Variants in SLIT3 observed in about 807,000 individuals in gnomAD.
The protein encoded by SLIT3 is slit homolog 3 protein.
SLIT3 carries 68 observed loss-of-function variants against 184.0 expected under a neutral mutation model. That is an observed-to-expected ratio of 0.37 (90% CI 0.30 to 0.45). The LOEUF (loss-of-function observed/expected upper bound fraction) is 0.45, where lower values mean the gene tolerates loss of function less well. Among genes scored for constraint, SLIT3 ranks in the 20% least tolerant of loss-of-function variants. SLIT3 has a pLI of 1.00. For synonymous variants in SLIT3, 831 were observed against 828.6 expected (o/e 1.00, Z -0.05); for missense variants, 1,707 against 2,026.0 (o/e 0.84, Z 3.02).
chr5:168,967,384 C>A (rs1023623498), intron 4 of SLIT3, among the ~76,000 whole-genome samples: 1 of 149,738 alleles, frequency 6.7e-6, no homozygotes, highest in Non-Finnish European at 1.5e-5. Context: ...ATAACACTTG[C>A]GTCATAATTT....
At chr5:168,952,031 A>C (rs1337961255) in intron 4 of SLIT3, among the ~76,000 whole-genome samples, 1 of 152,158 alleles carries the variant, frequency 6.6e-6, no homozygotes, top group Non-Finnish European at 1.5e-5. Flanking sequence ...CCTGTCTTGA[A>C]TCTTCTAGAG....
At chr5:169,087,186 G>C (rs1226492421) in intron 4 of SLIT3, among the ~76,000 whole-genome samples, 1 of 152,218 alleles carries the variant, frequency 6.6e-6, no homozygotes, top group Non-Finnish European at 1.5e-5. Context: ...CGGATATTCT[G>C]CAAAGCACTA....
intron 4 of SLIT3, among the ~76,000 whole-genome samples, chr5:169,103,795 C>T (rs949085828): frequency 6.6e-6 from 1 of 152,110 alleles, no homozygotes. Context: ...GGCTGGGGCT[C>T]GCCACCCTGC....
chr5:168,853,015 T>C (rs1446221380), intron 5 of SLIT3, among the ~76,000 whole-genome samples: 1 of 152,208 alleles, frequency 6.6e-6, no homozygotes, highest in Admixed American at 6.5e-5. Flanking sequence ...CTGAAATTGG[T>C]TTCTTATGAA....
At chr5:169,215,558 A>G (rs1229930121) in intron 3 of SLIT3, among the ~76,000 whole-genome samples, 1 of 152,216 alleles carries the variant, frequency 6.6e-6, no homozygotes, top group Non-Finnish European at 1.5e-5. Context: ...AAAAGCAACC[A>G]TAAACAATAC....
intron 4 of SLIT3, among the ~76,000 whole-genome samples, chr5:169,085,803 A>G (rs1464382369): frequency 6.6e-6 from 1 of 152,190 alleles, no homozygotes; most frequent in Non-Finnish European, 1.5e-5. Context: ...TCCTTCTGTG[A>G]TATTCACAGC....
chr5:168,885,957 G>T (rs1760190163), intron 4 of SLIT3, among the ~76,000 whole-genome samples: 1 of 152,174 alleles, frequency 6.6e-6, no homozygotes, highest in Non-Finnish European at 1.5e-5. Flanking sequence ...GCAAAATCCT[G>T]CACTTGGGTG....
chr5:169,149,340 CTT>C (rs3038064), intron 4 of SLIT3, among the ~76,000 whole-genome samples: 4 of 137,880 alleles, frequency 2.9e-5, no homozygotes, highest in Non-Finnish European at 3.2e-5. Context: ...ACAACATGGG[CTT>C]TTTTTTTTTT....
At position 168,685,663 on chromosome 5, in the gene SLIT3, AG is replaced by A. The variant is rs753217550; in HGVS notation, c.3555+23del. On this transcript the variant is annotated intron_variant, in intron 31 of 35. Coordinates refer to ENST00000519560, the MANE Select transcript of SLIT3 (RefSeq NM_003062.4). ...TTGTGGGCATGTTGAGGTCCTTCCAAGGGCAGGGCAGGGCGGGACACACCTG... is the reference window on the plus strand; with the variant it reads ...TTGTGGGCATGTTGAGGTCCTTCCAAGGCAGGGCAGGGCGGGACACACCTG... 61 of 1,513,382 alleles carry A rather than the reference AG, an allele frequency of 4.0e-5. No homozygotes were observed. In the African/African-American group the frequency reaches 8.3e-4, roughly 21 times the overall value. 93.7% of individuals were successfully genotyped at this position (1,513,382 alleles called of 1,614,324 possible).
At chr5:168,827,099 G>A (rs1294605727) in intron 6 of SLIT3, among the ~76,000 whole-genome samples, 2 of 152,106 alleles carry the variant, frequency 1.3e-5, no homozygotes, top group African/African-American at 2.4e-5. Flanking sequence ...ATTATCCCAC[G>A]AGGCAGGGAC....
At chr5:168,955,260 T>C (rs1037231040) in intron 4 of SLIT3, among the ~76,000 whole-genome samples, 11 of 152,196 alleles carry the variant, frequency 7.2e-5, no homozygotes, top group Admixed American at 2.0e-4. Context: ...AGCAAATCAA[T>C]TGGGTAGTGT....
intron 4 of SLIT3, among the ~76,000 whole-genome samples, chr5:169,017,438 A>G (rs1252511224): frequency 6.6e-6 from 1 of 152,220 alleles, no homozygotes; most frequent in African/African-American, 2.4e-5. Context: ...TGGGGCTAGA[A>G]AGATACAAGA....
chr5:168,932,259 T>TTTGG (rs372274375), intron 4 of SLIT3, among the ~76,000 whole-genome samples: 27 of 112,954 alleles, frequency 2.4e-4, no homozygotes, highest in African/African-American at 1.1e-3. Flanking sequence ...TGTTGTTGTG[T>TTTGG]TTTTTTTTTT....
At chr5:168,868,756 A>G (rs1016148121) in intron 5 of SLIT3, among the ~76,000 whole-genome samples, 1 of 149,706 alleles carries the variant, frequency 6.7e-6, no homozygotes, top group Non-Finnish European at 1.5e-5. Flanking sequence ...TCAAAAAAAA[A>G]AAAAAAAAAA....
chr5:168,922,331 C>A (rs1004253998), intron 4 of SLIT3, among the ~76,000 whole-genome samples: 4 of 151,764 alleles, frequency 2.6e-5, no homozygotes, highest in Non-Finnish European at 5.9e-5. Context: ...GTGGCGGGTG[C>A]CTGTAGTCCC....
In SLIT3 at chr5:168,662,294, C is replaced by T. The variant is rs1205111638; in HGVS notation, c.*4160G>A. ...TATCTGGGATCTTGAGTCTGAGGGG[C>T]AGGTCACTTGTTGCTATGGGCTTCT... is the stretch of plus-strand genomic sequence containing the variant. On this transcript the variant is annotated 3_prime_UTR_variant, in exon 36 of 36. Transcript: ENST00000519560. The T allele has an allele frequency of 6.6e-6, 1 of 152,202 alleles. No homozygotes were observed. Among genetic ancestry groups the T allele is most frequent in the African/African-American group, 2.4e-5 (1 of 41,452 alleles). 9.4% of individuals were successfully genotyped at this position (152,202 alleles called of 1,614,324 possible).
intron 15 of SLIT3, 32 bp downstream of exon 15, chr5:168,762,507 G>A: frequency 6.2e-7 from 1 of 1,606,538 alleles, no homozygotes; most frequent in Non-Finnish European, 8.5e-7. Flanking sequence ...GTGTGGGGAG[G>A]AGTAGGGAGT....
intron 4 of SLIT3, among the ~76,000 whole-genome samples, chr5:168,969,428 C>G (rs1754478665): frequency 6.6e-6 from 1 of 152,220 alleles, no homozygotes; most frequent in Admixed American, 6.5e-5. Flanking sequence ...CAAAGCTAAC[C>G]TGTGCAATCC....
intron 4 of SLIT3, among the ~76,000 whole-genome samples, chr5:169,160,662 G>C (rs558270226): frequency 3.9e-5 from 6 of 152,218 alleles, no homozygotes. Context: ...CTGGAGGAAT[G>C]AATCAAGTGA....
Sources: allele counts gnomAD v4.1 joint callset (sites outside exome capture counted in the v4.1 genomes callset), GRCh38; gene constraint gnomAD v4.1.1; transcripts MANE v1.5; gene names NCBI Gene and HGNC (gene_info 2026-07-23, HGNC 2026-07-21).